Variants in KIAA1328 observed in about 807,000 individuals in gnomAD.
KIAA1328 encodes the protein KIAA1328.
KIAA1328 carries 52 observed loss-of-function variants against 68.1 expected under a neutral mutation model. The ratio of observed to expected loss-of-function variants is 0.76; its 90% CI spans 0.61 to 0.96. The LOEUF is 0.96. Among genes scored for constraint, KIAA1328 ranks in the 40% least tolerant of loss-of-function variants. The pLI is 0.00. For missense variants in KIAA1328, 641 were observed against 677.6 expected, an observed-to-expected ratio of 0.95 and a Z score of 0.60; for synonymous variants, 232 against 239.4, an observed-to-expected ratio of 0.97 and a Z score of 0.28.
intron 6 of KIAA1328, among the ~76,000 whole-genome samples, chr18:37,016,954 G>C (rs1320392151): frequency 6.6e-6 from 1 of 151,830 alleles, no homozygotes; most frequent in Admixed American, 6.6e-5. Context: ...GGATTTTTGG[G>C]CCTCAATTTC....
chr18:37,037,621 C>T (rs1488095468), intron 6 of KIAA1328, among the ~76,000 whole-genome samples: 4 of 152,154 alleles, frequency 2.6e-5, no homozygotes, highest in Non-Finnish European at 5.9e-5. Flanking sequence ...TGGTGGCTCA[C>T]GCCTGTAATC....
intron 6 of KIAA1328, among the ~76,000 whole-genome samples, chr18:36,978,741 T>G (rs927901348): frequency 1.3e-5 from 2 of 152,238 alleles, no homozygotes; most frequent in Non-Finnish European, 2.9e-5. Flanking sequence ...TATTTCTCCT[T>G]GCCACATTTT....
chr18:36,964,566 T>A (rs773561672), intron 6 of KIAA1328, among the ~76,000 whole-genome samples: 7 of 152,182 alleles, frequency 4.6e-5, no homozygotes, highest in Non-Finnish European at 7.3e-5. Context: ...GAAAACAAGT[T>A]GGCTTTATTT....
chr18:36,980,592 A>G, intron 6 of KIAA1328, among the ~76,000 whole-genome samples: 1 of 152,270 alleles, frequency 6.6e-6, no homozygotes, highest in African/African-American at 2.4e-5. Context: ...TTACCGGCCT[A>G]AGTGAAGTGA....
intron 6 of KIAA1328, among the ~76,000 whole-genome samples, chr18:37,003,512 T>C (rs2053666095): frequency 6.6e-6 from 1 of 152,086 alleles, no homozygotes; most frequent in African/African-American, 2.4e-5. Context: ...TATTAGAAAG[T>C]GGGCAAAGGT....
chr18:36,838,920 A>G (rs2046767147), intron 3 of KIAA1328, among the ~76,000 whole-genome samples: 1 of 152,090 alleles, frequency 6.6e-6, no homozygotes, highest in South Asian at 2.1e-4. Flanking sequence ...TTTTTAGTAG[A>G]GATGGGGTTT....
intron 6 of KIAA1328, among the ~76,000 whole-genome samples, chr18:37,002,897 AAG>A (rs1318844707): frequency 6.6e-6 from 1 of 152,178 alleles, no homozygotes; most frequent in African/African-American, 2.4e-5. Context: ...CCTGAGCAAA[AAG>A]AGCAAAGAGG....
At chr18:36,848,447 T>C (rs2047098563) in intron 4 of KIAA1328, among the ~76,000 whole-genome samples, 1 of 151,096 alleles carries the variant, frequency 6.6e-6, no homozygotes, top group African/African-American at 2.4e-5. Flanking sequence ...CTTGTTACAG[T>C]CGTTTTTTGG....
intron 9 of KIAA1328, among the ~76,000 whole-genome samples, chr18:37,188,687 C>T (rs1216651537): frequency 6.6e-6 from 1 of 152,202 alleles, no homozygotes; most frequent in Non-Finnish European, 1.5e-5. Context: ...ACAGTCCTCA[C>T]CACAGGTTTC....
intron 6 of KIAA1328, among the ~76,000 whole-genome samples, chr18:37,013,973 A>G (rs2054064208): frequency 6.6e-6 from 1 of 152,250 alleles, no homozygotes; most frequent in South Asian, 2.1e-4. Context: ...CAGTGTATGA[A>G]CAGTCCTTTT....
At chr18:37,116,032 C>T (rs1221911167) in intron 7 of KIAA1328, among the ~76,000 whole-genome samples, 1 of 152,192 alleles carries the variant, frequency 6.6e-6, no homozygotes, top group African/African-American at 2.4e-5. Flanking sequence ...AATGGAAGAA[C>T]ATTCCATGCT....
chr18:37,200,787 C>T (rs973833560), intron 9 of KIAA1328, among the ~76,000 whole-genome samples: 5 of 147,072 alleles, frequency 3.4e-5, no homozygotes, highest in Admixed American at 1.4e-4. Flanking sequence ...GTCCGCAGTC[C>T]GGCCTGGGCG....
At chr18:37,138,977 G>A (rs1210637408) in intron 7 of KIAA1328, among the ~76,000 whole-genome samples, 1 of 65,320 alleles carries the variant, frequency 1.5e-5, no homozygotes, top group African/African-American at 7.9e-5. Flanking sequence ...TTTTTTTTGA[G>A]ACGAAGTCTC....
intron 6 of KIAA1328, among the ~76,000 whole-genome samples, chr18:36,997,079 G>C (rs1011462295): frequency 6.6e-6 from 1 of 151,780 alleles, no homozygotes; most frequent in Admixed American, 6.6e-5. Context: ...GTTTGCCTCT[G>C]TCTTTCTCTA....
intron 7 of KIAA1328, among the ~76,000 whole-genome samples, chr18:37,111,856 A>G (rs1205237146): frequency 2.6e-5 from 4 of 152,188 alleles, no homozygotes; most frequent in African/African-American, 7.2e-5. Flanking sequence ...CTTAGCAAAC[A>G]GCACACCAGG....
chr18:36,844,881 A>G (rs748330339), intron 4 of KIAA1328, among the ~76,000 whole-genome samples: 1 of 151,910 alleles, frequency 6.6e-6, no homozygotes, highest in Non-Finnish European at 1.5e-5. Flanking sequence ...AAATGAAAGT[A>G]TCTATAGAGA....
intron 7 of KIAA1328, among the ~76,000 whole-genome samples, chr18:37,096,762 C>A (rs1476458693): frequency 4.6e-5 from 7 of 152,140 alleles, no homozygotes; most frequent in African/African-American, 1.7e-4. Flanking sequence ...TAATGATTGC[C>A]ATTCTAACTG....
chr18:37,110,840 G>A (rs528077523), intron 7 of KIAA1328, among the ~76,000 whole-genome samples: 5 of 152,248 alleles, frequency 3.3e-5, no homozygotes, highest in Admixed American at 6.5e-5. Flanking sequence ...AGAAGAACTT[G>A]CAATTACATA....
chr18:37,135,027 C>T (rs1281573541), intron 7 of KIAA1328, among the ~76,000 whole-genome samples: 3 of 152,158 alleles, frequency 2.0e-5, no homozygotes, highest in Non-Finnish European at 4.4e-5. Flanking sequence ...AAAAGGACAT[C>T]ATTCCATTCT....
Sources: gnomAD v4.1 joint callset for allele counts (sites outside exome capture counted in the v4.1 genomes callset) on GRCh38, gnomAD v4.1.1 for gene constraint, MANE v1.5 for transcripts, NCBI Gene and HGNC (gene_info 2026-07-23, HGNC 2026-07-21) for gene names.